The following SLC38A3 variants were observed in gnomAD, a reference collection of about 807,000 sequenced individuals.
The protein encoded by SLC38A3 is solute carrier family 38 member 3.
Under a neutral mutation model 59.5 loss-of-function variants are expected in SLC38A3, and 17 were observed. The ratio of observed to expected loss-of-function variants is 0.29; its 90% CI spans 0.20 to 0.43. The LOEUF (loss-of-function observed/expected upper bound fraction) is 0.43, where lower values mean the gene tolerates loss of function less well. SLC38A3 is among the 20% of genes least tolerant of loss of function. The pLI is 1.00. For synonymous variants in SLC38A3, 238 were observed against 260.3 expected, an observed-to-expected ratio of 0.91 and a Z score of 0.82; for missense variants, 454 against 653.9, an observed-to-expected ratio of 0.69 and a Z score of 3.33.
rs1283991159 is a variant in SLC38A3, at chr3:50,214,110, A to C, written c.-51-39A>C. On this transcript the variant is annotated intron_variant, in intron 1 of 15. Transcript: ENST00000614032. The surrounding 1 kb of genome is among the most constrained non-coding windows in gnomAD (Gnocchi z 6.0). Reference sequence around the variant, plus strand: ...AGGTAGGAGGCTAGGCCGTAGGCCCAAGTAACGGGGCTAACCAGAGGGACC... The same window carrying C: ...AGGTAGGAGGCTAGGCCGTAGGCCCCAGTAACGGGGCTAACCAGAGGGACC... 3 of 1,287,826 alleles carry C rather than the reference A, an allele frequency of 2.3e-6. No homozygotes were observed. The African/African-American group carries it at 4.4e-5, about 19-fold the overall frequency. The allele number at this position is 1,287,826 out of a possible 1,614,324, so 79.8% of individuals were successfully genotyped here. A position where few individuals can be genotyped will look rare whatever the true frequency, so the allele number is the denominator to read the frequency against.
intron 1 of SLC38A3, among the ~76,000 whole-genome samples, chr3:50,210,209 G>T (rs1699704790): frequency 6.6e-6 from 1 of 152,118 alleles, no homozygotes; most frequent in Non-Finnish European, 1.5e-5. Context: ...TGTCCAGATG[G>T]GTACCAGACT....
In SLC38A3 at chr3:50,215,853, G is replaced by A. The variant is rs904479723; in HGVS notation, c.548+32G>A. The A allele has an allele frequency of 1.5e-5, 18 of 1,191,710 alleles. No homozygotes were observed. Among genetic ancestry groups the A allele is most frequent in the African/African-American group, 3.1e-5 (2 of 64,938 alleles). 73.8% of individuals were successfully genotyped at this position (1,191,710 alleles called of 1,614,324 possible). ...CCTGGCGTGGGGAGGGGAGGGGAGG[G>A]GTGCGGTGCAGTGAGGAGGGGTGGG... is the stretch of plus-strand genomic sequence containing the variant. On this transcript the variant is annotated intron_variant, in intron 7 of 15. Transcript: ENST00000614032. The surrounding 1 kb of genome is among the most constrained non-coding windows in gnomAD (Gnocchi z 7.1).
chr3:50,213,631 A>G (rs1208391001), intron 1 of SLC38A3, among the ~76,000 whole-genome samples: 2 of 152,214 alleles, frequency 1.3e-5, no homozygotes, highest in African/African-American at 4.8e-5. Context: ...CAGGGCCCAC[A>G]GCCCTCACCC....
At position 50,218,478 on chromosome 3, in the gene SLC38A3, C is replaced by G. The variant is rs1363036774; in HGVS notation, c.1036+108C>G. ...GCGTGTGGTGCCTGGCTGTGCCTTG[C>G]CGCTGTGGAGGTGAGTCTGCATGCC... On this transcript the variant is annotated intron_variant, in intron 12 of 15. Coordinates refer to ENST00000614032, the MANE Select transcript of SLC38A3 (RefSeq NM_006841.6). The surrounding 1 kb of genome is among the most constrained non-coding windows in gnomAD (Gnocchi z 5.8). 1.3e-6 allele frequency: 2 copies of G among 1,559,234 alleles called. No individual in the cohort carries two copies. The highest frequency in any genetic ancestry group is 2.3e-5 in the East Asian group (1 of 44,392).
intron 1 of SLC38A3, among the ~76,000 whole-genome samples, chr3:50,208,267 T>C (rs1245330666): frequency 6.7e-6 from 1 of 150,336 alleles, no homozygotes; most frequent in Non-Finnish European, 1.5e-5. Flanking sequence ...CTCTCTTTTT[T>C]TTTTTTTTTT....
chr3:50,208,832 A>T (rs1699682262), intron 1 of SLC38A3, among the ~76,000 whole-genome samples: 1 of 151,846 alleles, frequency 6.6e-6, no homozygotes, highest in South Asian at 2.1e-4. Flanking sequence ...GGACGCATGG[A>T]GCTAATGACT....
At position 50,218,019 on chromosome 3, in the gene SLC38A3, G is replaced by C. The variant is rs754599000; in HGVS notation, c.935+23G>C. On this transcript the variant is annotated intron_variant, in intron 11 of 15. Transcript: ENST00000614032. The surrounding 1 kb of genome is among the most constrained non-coding windows in gnomAD (Gnocchi z 5.8). ...GGAGTAGGTGTCTGTGGCTGGGAGT[G>C]GGGGTGGGGATGCCCTGAGCTGGTT... The C allele has an allele frequency of 1.2e-6, 2 of 1,610,970 alleles. No individual in the cohort carries two copies. The highest frequency in any genetic ancestry group is 3.3e-5 in the Admixed American group (2 of 59,906).
In SLC38A3 at chr3:50,218,921, A is replaced by G. The variant is rs754963717; in HGVS notation, c.1279A>G (p.Asn427Asp). 1.2e-6 allele frequency: 2 copies of G among 1,612,438 alleles called. No individual in the cohort carries two copies. The highest frequency in any genetic ancestry group is 1.7e-6 in the Non-Finnish European group (2 of 1,178,642). The change falls in exon 14 of 16, where the codon AAC (asparagine) becomes GAC (aspartate). Residue 427 changes from asparagine (N) to aspartate (D), a missense_variant. Asn to Asp is a conservative substitution (Grantham distance 23). Transcript: ENST00000614032. The surrounding 1 kb of genome is among the most constrained non-coding windows in gnomAD (Gnocchi z 5.8). ...CINLLVIFAP[N>D]ILGIFGVIGA... is the part of the protein sequence containing the mutation. ...CAACCTGCTGGTCATCTTTGCCCCCAACATCCTGGGCATCTTTGGGGTCAT... is the reference window on the plus strand; with the variant it reads ...CAACCTGCTGGTCATCTTTGCCCCCGACATCCTGGGCATCTTTGGGGTCAT...
chr3:50,205,345 C>G lies in SLC38A3; in HGVS notation c.-55C>G, dbSNP rs561080819. On this transcript the variant is annotated 5_prime_UTR_variant, in exon 1 of 16. Transcript: ENST00000614032. ...GCGCCGCACGTTCCCAACCGCGAGG[C>G]CAGGTACCGCTTCGGGAGTTCATCC... The G allele has an allele frequency of 1.3e-5, 2 of 149,280 alleles. No homozygotes were observed. Among genetic ancestry groups the G allele is most frequent in the Admixed American group, 6.8e-5 (1 of 14,776 alleles). The allele number at this position is 149,280 out of a possible 1,614,324, so 9.2% of individuals were successfully genotyped here. A position where few individuals can be genotyped will look rare whatever the true frequency, so the allele number is the denominator to read the frequency against.
chr3:50,218,117 C>G lies in SLC38A3; in HGVS notation c.935+121C>G. Reference sequence around the variant, plus strand: ...GCCAAGTCACTTTATCTGAGATGTCCTTGGCAGCCATGAGAGGTGATTATG... The same window carrying G: ...GCCAAGTCACTTTATCTGAGATGTCGTTGGCAGCCATGAGAGGTGATTATG... On this transcript the variant is annotated intron_variant, in intron 11 of 15. Coordinates refer to ENST00000614032, the MANE Select transcript of SLC38A3 (RefSeq NM_006841.6). The surrounding 1 kb of genome is among the most constrained non-coding windows in gnomAD (Gnocchi z 5.8). The G allele has an allele frequency of 6.2e-6, 7 of 1,122,384 alleles. No individual in the cohort carries two copies. Among genetic ancestry groups the G allele is most frequent in the Non-Finnish European group, 9.3e-6 (7 of 751,892 alleles). The allele number at this position is 1,122,384 out of a possible 1,614,324, so 69.5% of individuals were successfully genotyped here.
At position 50,220,341 on chromosome 3, in the gene SLC38A3, GC is replaced by G; in HGVS notation, c.*166del. 1.6e-6 allele frequency: 1 copy of G among 636,014 alleles called. No homozygotes were observed. Among genetic ancestry groups the G allele is most frequent in the Admixed American group, 2.6e-5 (1 of 38,022 alleles). 39.4% of individuals were successfully genotyped at this position (636,014 alleles called of 1,614,324 possible). ...CTCTGTGGAAGGTTTTTGTTCAAGA[GC>G]CAGGACCAAGGCCCTTGGGCCACTA... On this transcript the variant is annotated 3_prime_UTR_variant, in exon 16 of 16. Transcript: ENST00000614032.
chr3:50,212,854 G>C (rs1033835839), intron 1 of SLC38A3, among the ~76,000 whole-genome samples: 1 of 152,180 alleles, frequency 6.6e-6, no homozygotes, highest in South Asian at 2.1e-4. Flanking sequence ...GGGATGGGGG[G>C]TTCAGGGCAG....
intron 1 of SLC38A3, among the ~76,000 whole-genome samples, chr3:50,209,699 T>G (rs1023188481): frequency 2.9e-4 from 44 of 150,464 alleles, no homozygotes; most frequent in African/African-American, 9.8e-4. Flanking sequence ...CACAGGAAAG[T>G]CTACCTTCCG....
At chr3:50,216,755 C>A (rs1699824475) in intron 7 of SLC38A3, among the ~76,000 whole-genome samples, 1 of 122,024 alleles carries the variant, frequency 8.2e-6, no homozygotes, top group Non-Finnish European at 1.6e-5. Context: ...GAAGGCACGC[C>A]CTTTGTTTTG....
intron 1 of SLC38A3, among the ~76,000 whole-genome samples, chr3:50,211,864 A>G: frequency 6.6e-6 from 1 of 152,196 alleles, no homozygotes; most frequent in South Asian, 2.1e-4. Flanking sequence ...CTGGTATTAC[A>G]GGCGTGAGCC....
In SLC38A3 at chr3:50,214,117, G is replaced by C; in HGVS notation, c.-51-32G>C. ...AGGCTAGGCCGTAGGCCCAAGTAACGGGGCTAACCAGAGGGACCGGCTGCT... is the reference window on the plus strand; with the variant it reads ...AGGCTAGGCCGTAGGCCCAAGTAACCGGGCTAACCAGAGGGACCGGCTGCT... On this transcript the variant is annotated intron_variant, in intron 1 of 15. Coordinates refer to ENST00000614032, the MANE Select transcript of SLC38A3 (RefSeq NM_006841.6). This position sits in a 1 kb window ranked among gnomAD's most constrained non-coding sequence, Gnocchi z 6.0. 1 of 1,358,196 alleles carries C rather than the reference G, an allele frequency of 7.4e-7. No individual in the cohort carries two copies. The highest frequency in any genetic ancestry group is 1.9e-5 in the Admixed American group (1 of 52,054). 84.1% of individuals were successfully genotyped at this position (1,358,196 alleles called of 1,614,324 possible).
chr3:50,220,393 G>A lies in SLC38A3; in HGVS notation c.*216G>A. 1 of 568,476 alleles carries A rather than the reference G, an allele frequency of 1.8e-6. No homozygotes were observed. Among genetic ancestry groups the A allele is most frequent in the East Asian group, 3.0e-5 (1 of 33,582 alleles). The allele number at this position is 568,476 out of a possible 1,614,324, so 35.2% of individuals were successfully genotyped here. A position where few individuals can be genotyped will look rare whatever the true frequency, so the allele number is the denominator to read the frequency against. On this transcript the variant is annotated 3_prime_UTR_variant, in exon 16 of 16. Transcript: ENST00000614032. ...CCCTGCTAGGCTCTGGAGCTGTAGA[G>A]GCTTCCTGAACTGGGAGCAGGGTAG...
chr3:50,213,314 C>T (rs74461473), intron 1 of SLC38A3, among the ~76,000 whole-genome samples: 11,084 of 152,308 alleles, frequency 0.073, 583 homozygotes, highest in Non-Finnish European at 0.11. Context: ...TTGGGGGTTC[C>T]CTGCCTGGCA....
In SLC38A3 at chr3:50,214,272, G is replaced by A. The variant is rs1262912172; in HGVS notation, c.73G>A (p.Val25Ile). The A allele has an allele frequency of 1.9e-6, 3 of 1,613,856 alleles. No homozygotes were observed. Among genetic ancestry groups the A allele is most frequent in the South Asian group, 2.2e-5 (2 of 91,078 alleles). Residue 25 changes from valine to isoleucine, a missense_variant, in exon 2 of 16, where the codon GTC (valine) becomes ATC (isoleucine). Physicochemically the swap from Val to Ile is conservative, Grantham distance 29 (BLOSUM62 3). Coordinates refer to ENST00000614032, the MANE Select transcript of SLC38A3 (RefSeq NM_006841.6). The surrounding 1 kb of genome is among the most constrained non-coding windows in gnomAD (Gnocchi z 6.0). ...NGKHSEGLLP[V>I]ITPMAGNQRV... ...CAAACACTCAGAGGGGCTGCTCCCG[G>A]TCATCACCCCCATGGCAGGCAACCA...
Sources: allele counts gnomAD v4.1 joint callset (sites outside exome capture counted in the v4.1 genomes callset), GRCh38; gene constraint gnomAD v4.1.1; non-coding constraint Gnocchi (gnomAD v3.1); transcripts MANE v1.5; gene names NCBI Gene and HGNC (gene_info 2026-07-23, HGNC 2026-07-21).